Variants in JMJD1C observed in about 807,000 individuals in gnomAD.
JMJD1C encodes jumonji domain containing 1C.
Under a neutral mutation model 245.3 loss-of-function variants are expected in JMJD1C, and 31 were observed. That is an observed-to-expected ratio of 0.13 (90% CI 0.09 to 0.17). The LOEUF (loss-of-function observed/expected upper bound fraction) is 0.17, where lower values mean the gene tolerates loss of function less well. JMJD1C is among the 10% of genes least tolerant of loss of function. The pLI, the probability that JMJD1C is intolerant of heterozygous loss-of-function variation, is 1.00. For synonymous variants in JMJD1C, 1,057 were observed against 1,017.4 expected (o/e 1.04, Z -0.74); for missense variants, 2,691 against 3,000.2 (o/e 0.90, Z 2.41).
intron 1 of JMJD1C, among the ~76,000 whole-genome samples, chr10:63,454,188 C>T (rs1243847590): frequency 6.6e-6 from 1 of 152,058 alleles, no homozygotes; most frequent in East Asian, 1.9e-4. Flanking sequence ...CTATCTGAGA[C>T]TGTGGATATT....
intron 10 of JMJD1C, chr10:63,203,452 A>T: frequency 1.0e-6 from 1 of 985,400 alleles, no homozygotes; most frequent in South Asian, 4.7e-5. Flanking sequence ...AATACTTGCC[A>T]AACATTAATC....
intron 1 of JMJD1C, among the ~76,000 whole-genome samples, chr10:63,399,987 T>C (rs1417467446): frequency 6.6e-6 from 1 of 152,128 alleles, no homozygotes; most frequent in Non-Finnish European, 1.5e-5. Context: ...CATACTCAAA[T>C]ATATTTACTT....
chr10:63,279,403 AAATTTT>A (rs1416779406), intron 2 of JMJD1C, among the ~76,000 whole-genome samples: 4 of 152,262 alleles, frequency 2.6e-5, no homozygotes, highest in Admixed American at 6.5e-5. Flanking sequence ...GATTAACCTT[AAATTTT>A]AATAATGAAA....
At chr10:63,479,000 C>T (rs929339963) in intron 1 of JMJD1C, among the ~76,000 whole-genome samples, 3 of 152,108 alleles carry the variant, frequency 2.0e-5, no homozygotes, top group Non-Finnish European at 4.4e-5. Context: ...ATAAAGAAAA[C>T]TTTTTGGTCT....
rs755788080 is a variant in JMJD1C, at chr10:63,177,811, C to T, written c.7130G>A (p.Arg2377Lys). ...TTCACTTGAGTCCTTCAATCTTTTCCTTAAAATGTCATCCAAATCTTCTTC... is the reference window on the plus strand; with the variant it reads ...TTCACTTGAGTCCTTCAATCTTTTCTTTAAAATGTCATCCAAATCTTCTTC... ...FEEEDLDDILRKRLKDSSEIP... is the reference protein window; with the variant it reads ...FEEEDLDDILKKRLKDSSEIP... The change falls in exon 23 of 26, where the codon AGG becomes AAG. Residue 2377 changes from arginine to lysine, a missense_variant. By Grantham distance (26) the Arg-to-Lys change is conservative. Around this residue, in one of 9 missense-constraint regions of JMJD1C, gnomAD observed 232 missense variants for 416.1 expected, o/e 0.56. Transcript: ENST00000399262. 1 of 1,613,648 alleles carries T rather than the reference C, an allele frequency of 6.2e-7. No homozygotes were observed. Among genetic ancestry groups the T allele is most frequent in the Non-Finnish European group, 8.5e-7 (1 of 1,179,770 alleles).
At chr10:63,325,435 G>A (rs932856243) in intron 2 of JMJD1C, among the ~76,000 whole-genome samples, 6 of 152,000 alleles carry the variant, frequency 3.9e-5, no homozygotes, top group South Asian at 2.1e-4. Flanking sequence ...CAATCTCCGC[G>A]CTCAATCAAT....
At chr10:63,330,660 G>C (rs933041874) in intron 2 of JMJD1C, among the ~76,000 whole-genome samples, 69 of 151,648 alleles carry the variant, frequency 4.6e-4, no homozygotes, top group African/African-American at 1.5e-3. Context: ...TATTTCTATT[G>C]TTTAGCCTAC....
intron 1 of JMJD1C, among the ~76,000 whole-genome samples, chr10:63,414,720 T>G (rs955776009): frequency 6.6e-6 from 1 of 151,952 alleles, no homozygotes; most frequent in Non-Finnish European, 1.5e-5. Flanking sequence ...AAACTTCATC[T>G]TTCTTTGCTA....
chr10:63,233,621 A>T (rs1386029609), intron 3 of JMJD1C, among the ~76,000 whole-genome samples: 1 of 151,874 alleles, frequency 6.6e-6, no homozygotes, highest in African/African-American at 2.4e-5. Flanking sequence ...CCTTAAAAAT[A>T]TTTTATCTTG....
chr10:63,254,732 T>C (rs140844466), intron 3 of JMJD1C, among the ~76,000 whole-genome samples: 2 of 151,802 alleles, frequency 1.3e-5, no homozygotes, highest in African/African-American at 2.4e-5. Context: ...TTGGTACTGG[T>C]AGAGATGGAG....
intron 21 of JMJD1C, among the ~76,000 whole-genome samples, chr10:63,184,166 C>G (rs1843823526): frequency 6.6e-6 from 1 of 151,748 alleles, no homozygotes; most frequent in South Asian, 2.1e-4. Flanking sequence ...ACCTCATGAT[C>G]CACCCACCCA....
chr10:63,353,557 C>G (rs1944540098), intron 2 of JMJD1C, among the ~76,000 whole-genome samples: 1 of 152,126 alleles, frequency 6.6e-6, no homozygotes, highest in South Asian at 2.1e-4. Flanking sequence ...ACTCTATCAC[C>G]CAGGCTGGAG....
intron 3 of JMJD1C, among the ~76,000 whole-genome samples, chr10:63,255,315 T>A (rs1370395146): frequency 6.6e-6 from 1 of 152,208 alleles, no homozygotes; most frequent in Non-Finnish European, 1.5e-5. Flanking sequence ...ATCTGTAATT[T>A]TAGTAGAAAA....
intron 1 of JMJD1C, among the ~76,000 whole-genome samples, chr10:63,475,899 G>C (rs1188525101): frequency 6.6e-6 from 1 of 152,104 alleles, no homozygotes; most frequent in Non-Finnish European, 1.5e-5. Context: ...TTAAGTACTA[G>C]GTGATAATAG....
intron 10 of JMJD1C, chr10:63,202,395 T>G (rs1037735960): frequency 1.0e-6 from 1 of 985,344 alleles, no homozygotes. Flanking sequence ...TCTGTCATGC[T>G]GAAAGAATAA....
At chr10:63,346,054 T>C (rs1943792165) in intron 2 of JMJD1C, among the ~76,000 whole-genome samples, 1 of 152,206 alleles carries the variant, frequency 6.6e-6, no homozygotes, top group Admixed American at 6.5e-5. Flanking sequence ...TTAAATCTTA[T>C]AATCAGTAAA....
chr10:63,388,363 C>T (rs1228013076), intron 1 of JMJD1C, among the ~76,000 whole-genome samples: 1 of 149,544 alleles, frequency 6.7e-6, no homozygotes, highest in Admixed American at 6.6e-5. Flanking sequence ...AAAAAAAAGC[C>T]GAATATACTA....
chr10:63,211,500 T>C (rs1847330478), intron 8 of JMJD1C, among the ~76,000 whole-genome samples: 2 of 150,730 alleles, frequency 1.3e-5, no homozygotes, highest in South Asian at 2.1e-4. Flanking sequence ...TATCACAACT[T>C]GGGAATGATA....
At chr10:63,288,926 AATG>A (rs199655846) in intron 2 of JMJD1C, among the ~76,000 whole-genome samples, 2,231 of 112,434 alleles carry the variant, frequency 0.02, 31 homozygotes, top group African/African-American at 0.092. Flanking sequence ...TAATAATAAT[AATG>A]ATAATAATCT....
Sources: allele counts gnomAD v4.1 joint callset (sites outside exome capture counted in the v4.1 genomes callset), GRCh38; gene constraint gnomAD v4.1.1; regional missense constraint gnomAD v4.1.1; transcripts MANE v1.5; gene names NCBI Gene and HGNC (gene_info 2026-07-23, HGNC 2026-07-21).